SLC28A3: variants seen among roughly 807,000 people sequenced by gnomAD.
The protein encoded by SLC28A3 is solute carrier family 28 member 3.
A neutral mutation model predicts 84.2 loss-of-function variants in SLC28A3; 68 were observed. That is an observed-to-expected ratio of 0.81 (90% confidence interval 0.66 to 0.99). The LOEUF is 0.99. SLC28A3 is among the 50% of genes least tolerant of loss of function. The pLI, the probability that SLC28A3 is intolerant of heterozygous loss-of-function variation, is 0.00. For synonymous variants in SLC28A3, 267 were observed against 303.6 expected (o/e 0.88, Z 1.25); for missense variants, 712 against 841.5 (o/e 0.85, Z 1.90).
At chr9:84,282,646 A>G (rs1034273334) in intron 14 of SLC28A3, among the ~76,000 whole-genome samples, 2 of 152,204 alleles carry the variant, frequency 1.3e-5, no homozygotes, top group African/African-American at 4.8e-5. Flanking sequence ...TAGGCCAGAC[A>G]ATTTTTCCTC....
At chr9:84,324,957 A>G (rs1404955270) in intron 1 of SLC28A3, among the ~76,000 whole-genome samples, 1 of 152,200 alleles carries the variant, frequency 6.6e-6, no homozygotes, top group Non-Finnish European at 1.5e-5. Flanking sequence ...AGGAATGTTT[A>G]CCATTACTTT....
chr9:84,279,294 CACCTTGGTTGTGTTTCCAG>C lies in SLC28A3; in HGVS notation c.1901_1919del (p.Pro634ArgfsTer2). ...TCAACAGACTTTGGCAACAAGCTAT[CACCTTGGTTGTGTTTCCAG>C]GGAAAGTGGAGTTGAAGGCATTCTC... On this transcript the variant is annotated frameshift_variant, in exon 17 of 18. Transcript: ENST00000376238. LOFTEE classifies it high-confidence loss of function. 2 of 1,611,854 alleles carry C rather than the reference CACCTTGGTTGTGTTTCCAG, an allele frequency of 1.2e-6. No homozygotes were observed. The highest frequency in any genetic ancestry group is 2.2e-5 in the South Asian group (2 of 90,636).
At chr9:84,349,634 C>G in the SLC28A3 span, among the ~76,000 whole-genome samples, 1 of 152,154 alleles carries the variant, frequency 6.6e-6, no homozygotes, top group Non-Finnish European at 1.5e-5. Flanking sequence ...CCATGGGAAA[C>G]CTGTCAGTAG....
chr9:84,326,558 C>A (rs1826556435), intron 1 of SLC28A3, among the ~76,000 whole-genome samples: 1 of 152,006 alleles, frequency 6.6e-6, no homozygotes, highest in South Asian at 2.1e-4. Context: ...GGCTTCATGG[C>A]TGAATTGGGG....
At chr9:84,321,271 G>A (rs988919632) in intron 1 of SLC28A3, among the ~76,000 whole-genome samples, 1 of 152,096 alleles carries the variant, frequency 6.6e-6, no homozygotes, top group Non-Finnish European at 1.5e-5. Flanking sequence ...TCTTTGATTT[G>A]TTTTTAATAG....
intron 1 of SLC28A3, among the ~76,000 whole-genome samples, chr9:84,332,360 T>A (rs920651226): frequency 6.6e-6 from 1 of 152,126 alleles, no homozygotes; most frequent in Admixed American, 6.5e-5. Flanking sequence ...AAGAAATGCC[T>A]AAGTAGTTAT....
chr9:84,307,078 C>T (rs12237803), intron 3 of SLC28A3, among the ~76,000 whole-genome samples: 16,648 of 142,796 alleles, frequency 0.12, 1,081 homozygotes, highest in East Asian at 0.16. Flanking sequence ...CACTTGAGCC[C>T]GAGCGGTCAA....
At chr9:84,332,169 C>T (rs1283281095) in intron 1 of SLC28A3, among the ~76,000 whole-genome samples, 1 of 152,074 alleles carries the variant, frequency 6.6e-6, no homozygotes, top group East Asian at 1.9e-4. Flanking sequence ...GAGCATAATA[C>T]CCTGTTGTTC....
chr9:84,310,633 T>C (rs1260124790), intron 2 of SLC28A3: 2 of 975,792 alleles, frequency 2.0e-6, no homozygotes, highest in Non-Finnish European at 2.4e-6. Context: ...GTGTCTGAGA[T>C]GAAAGAATTC....
At chr9:84,328,983 C>A (rs1285819304) in intron 1 of SLC28A3, among the ~76,000 whole-genome samples, 2 of 151,970 alleles carry the variant, frequency 1.3e-5, no homozygotes, top group Non-Finnish European at 2.9e-5. Context: ...TATATGCTGT[C>A]TACAAGAGAC....
chr9:84,333,366 C>T (rs543383916), intron 1 of SLC28A3, among the ~76,000 whole-genome samples: 1 of 152,128 alleles, frequency 6.6e-6, no homozygotes, highest in South Asian at 2.1e-4. Context: ...TATTTAGGAA[C>T]CAAAAGGGGG....
chr9:84,332,555 G>A (rs1172094376), intron 1 of SLC28A3, among the ~76,000 whole-genome samples: 2 of 152,086 alleles, frequency 1.3e-5, no homozygotes, highest in South Asian at 4.1e-4. Context: ...ACCCATGAAG[G>A]TAACTACCAG....
At chr9:84,310,645 C>T in intron 2 of SLC28A3, 1 of 964,286 alleles carries the variant, frequency 1.0e-6, no homozygotes, top group Non-Finnish European at 1.2e-6. Flanking sequence ...AAAGAATTCT[C>T]AAAAATCCTA....
At chr9:84,294,081 T>C in intron 9 of SLC28A3, 114 bp downstream of exon 9, 1 of 858,004 alleles carries the variant, frequency 1.2e-6, no homozygotes, top group Non-Finnish European at 1.8e-6. Context: ...TGATGGTGGA[T>C]AATGGTAGGA....
At chr9:84,319,154 A>G (rs1826275601) in intron 1 of SLC28A3, among the ~76,000 whole-genome samples, 1 of 152,192 alleles carries the variant, frequency 6.6e-6, no homozygotes, top group East Asian at 1.9e-4. Flanking sequence ...CCAATTTCCT[A>G]CTTCAGGTCA....
chr9:84,307,667 G>A (rs1402987644), intron 3 of SLC28A3, among the ~76,000 whole-genome samples: 6 of 152,156 alleles, frequency 3.9e-5, no homozygotes, highest in Non-Finnish European at 8.8e-5. Context: ...GGCTAATGAT[G>A]TATTATTCTC....
chr9:84,297,885 G>A (rs193109051), intron 7 of SLC28A3, 21 bp downstream of exon 7: 136 of 1,577,418 alleles, frequency 8.6e-5, no homozygotes, highest in Admixed American at 5.2e-4. Context: ...AAAGCAAAGT[G>A]TTCTTTTGAA....
chr9:84,280,109 T>C (rs770867405), intron 15 of SLC28A3, 36 bp from the exon 16 acceptor site: 1 of 1,593,922 alleles, frequency 6.3e-7, no homozygotes, highest in East Asian at 2.2e-5. Flanking sequence ...GAGATCAATG[T>C]TGAAGTACTG....
In SLC28A3 at chr9:84,277,309, G is replaced by A. The variant is rs1824559885; in HGVS notation, c.*909C>T. ...ATATTCACTATCCCTCCCTATGACA[G>A]GATAATTTAACTGTGGTGACTGACA... On this transcript the variant is annotated 3_prime_UTR_variant, in exon 18 of 18. Coordinates refer to ENST00000376238, the MANE Select transcript of SLC28A3 (RefSeq NM_001199633.2). 6.6e-6 allele frequency: 1 copy of A among 152,258 alleles called. No homozygotes were observed. Among genetic ancestry groups the A allele is most frequent in the Non-Finnish European group, 1.5e-5 (1 of 68,056 alleles). 9.4% of individuals were successfully genotyped at this position (152,258 alleles called of 1,614,324 possible).
Sources: allele counts gnomAD v4.1 joint callset (sites outside exome capture counted in the v4.1 genomes callset), GRCh38; gene constraint gnomAD v4.1.1; transcripts MANE v1.5; gene names NCBI Gene and HGNC (gene_info 2026-07-23, HGNC 2026-07-21).